The following TOP1MT variants were observed in gnomAD, a reference collection of about 807,000 sequenced individuals.
The protein encoded by TOP1MT is DNA topoisomerase I mitochondrial.
In TOP1MT, 80 loss-of-function variants were observed where a neutral mutation model predicts 73.9. The ratio of observed to expected loss-of-function variants is 1.08; its 90% CI spans 0.90 to 1.30. The LOEUF (loss-of-function observed/expected upper bound fraction) is 1.30. TOP1MT is among the 50% of genes most tolerant of loss of function. The probability of loss-of-function intolerance (pLI) is 0.00; values close to 1 mark genes in which losing one functional copy is unlikely to be tolerated. For missense variants in TOP1MT, 815 were observed against 808.0 expected, an observed-to-expected ratio of 1.01 and a Z score of -0.10; for synonymous variants, 338 against 326.4, an observed-to-expected ratio of 1.04 and a Z score of -0.38.
At chr8:143,342,075 G>GTTA (rs540333405) in intron 2 of TOP1MT, among the ~76,000 whole-genome samples, 21 of 120,676 alleles carry the variant, frequency 1.7e-4, no homozygotes, top group African/African-American at 4.4e-4. Context: ...GTCTCGCTCT[G>GTTA]TTATTATTAT....
At chr8:143,323,872 C>T in intron 7 of TOP1MT, 127 bp downstream of exon 7, 4 of 976,754 alleles carry the variant, frequency 4.1e-6, no homozygotes, top group Admixed American at 2.3e-5. Flanking sequence ...CATGCACACA[C>T]CCCCCCCATC....
intron 8 of TOP1MT, among the ~76,000 whole-genome samples, chr8:143,319,552 G>A (rs139606373): frequency 3.9e-5 from 6 of 152,110 alleles, no homozygotes; most frequent in East Asian, 1.9e-4. Context: ...AGGGGACACC[G>A]TGACTCTTCA....
intron 6 of TOP1MT, 118 bp from the exon 7 acceptor site, chr8:143,324,260 G>C (rs952943607): frequency 2.3e-5 from 33 of 1,449,512 alleles, no homozygotes; most frequent in African/African-American, 4.2e-5. Flanking sequence ...GCCGTGGTCA[G>C]GGGCTGGGGC....
At chr8:143,329,701 G>C (rs1187113161) in intron 2 of TOP1MT, among the ~76,000 whole-genome samples, 1 of 152,192 alleles carries the variant, frequency 6.6e-6, no homozygotes, top group South Asian at 2.1e-4. Flanking sequence ...AGCTGCAGAA[G>C]ATTTCAGGCG....
chr8:143,322,029 C>G (rs1218194993), intron 7 of TOP1MT, among the ~76,000 whole-genome samples: 1 of 107,640 alleles, frequency 9.3e-6, no homozygotes, highest in South Asian at 4.1e-4. Context: ...CCCACAGGCA[C>G]GCCATACAGA....
intron 13 of TOP1MT, 82 bp from the exon 14 acceptor site, chr8:143,309,625 C>T: frequency 3.1e-6 from 5 of 1,591,582 alleles, no homozygotes; most frequent in Middle Eastern, 3.5e-4. Flanking sequence ...CAAGGGCGAG[C>T]GTCCTCCATG....
chr8:143,332,002 T>A (rs1816868926), intron 1 of TOP1MT, among the ~76,000 whole-genome samples: 1 of 147,756 alleles, frequency 6.8e-6, no homozygotes, highest in Admixed American at 6.8e-5. Context: ...CAGGGCTCCC[T>A]GCCAAGGTCC....
upstream of TOP1MT, among the ~76,000 whole-genome samples, chr8:143,345,404 C>T (rs1029948672): frequency 5.1e-4 from 77 of 152,318 alleles, no homozygotes; most frequent in African/African-American, 1.7e-3. Flanking sequence ...AATGCCAGCC[C>T]GAGGCGTCTG....
At chr8:143,342,039 C>T (rs1199568465) in intron 2 of TOP1MT, among the ~76,000 whole-genome samples, 1 of 138,494 alleles carries the variant, frequency 7.2e-6, no homozygotes, top group Non-Finnish European at 1.5e-5. Context: ...CAGAGTCTCG[C>T]TGTTATTATT....
intron 10 of TOP1MT, 79 bp from the exon 11 acceptor site, chr8:143,316,205 G>T: frequency 6.3e-7 from 1 of 1,598,540 alleles, no homozygotes. Flanking sequence ...GCCTTAACGC[G>T]CCACACAGCG....
chr8:143,337,091 A>G (rs1332890705), upstream of TOP1MT, among the ~76,000 whole-genome samples: 1 of 152,232 alleles, frequency 6.6e-6, no homozygotes, highest in East Asian at 1.9e-4. Context: ...TAAATAAATG[A>G]GCAGCCATCC....
chr8:143,345,283 A>C (rs1185755981), upstream of TOP1MT, among the ~76,000 whole-genome samples: 2 of 152,228 alleles, frequency 1.3e-5, no homozygotes, highest in African/African-American at 4.8e-5. Flanking sequence ...GCCCACTGGC[A>C]GCCGAGGTCA....
chr8:143,329,068 T>A (rs1478001816), intron 3 of TOP1MT, among the ~76,000 whole-genome samples: 2 of 151,932 alleles, frequency 1.3e-5, no homozygotes, highest in Admixed American at 6.6e-5. Context: ...GGACCACAAA[T>A]CGGCCTCCAC....
At chr8:143,315,499 C>T (rs926987217) in intron 12 of TOP1MT, among the ~76,000 whole-genome samples, 3 of 152,108 alleles carry the variant, frequency 2.0e-5, no homozygotes, top group Non-Finnish European at 4.4e-5. Flanking sequence ...TAAATAACAG[C>T]GCAGCCAGAC....
chr8:143,352,600 T>C (rs1359463829), intron 1 of TOP1MT, among the ~76,000 whole-genome samples: 1 of 152,202 alleles, frequency 6.6e-6, no homozygotes, highest in East Asian at 1.9e-4. Flanking sequence ...TATAAATCTT[T>C]ATGACCCTGA....
intron 6 of TOP1MT, 115 bp downstream of exon 6, chr8:143,324,370 C>T (rs1387047231): frequency 2.0e-6 from 3 of 1,499,298 alleles, no homozygotes; most frequent in Non-Finnish European, 9.1e-7. Flanking sequence ...CACGGGCTGG[C>T]CGACTCCCAG....
At chr8:143,357,561 G>A (rs942699276), upstream of TOP1MT, among the ~76,000 whole-genome samples, 8 of 152,026 alleles carry the variant, frequency 5.3e-5, no homozygotes, top group Non-Finnish European at 1.0e-4. Flanking sequence ...GGCAGGGACT[G>A]CTTGGGGCAA....
At chr8:143,316,696 G>A (rs866234319) in intron 10 of TOP1MT, among the ~76,000 whole-genome samples, 13 of 152,096 alleles carry the variant, frequency 8.5e-5, no homozygotes, top group South Asian at 4.1e-4. Flanking sequence ...AAGGTACCAC[G>A]TTGTCTCCAT....
At chr8:143,324,371 C>T (rs1320048506) in intron 6 of TOP1MT, 114 bp downstream of exon 6, 5 of 1,502,126 alleles carry the variant, frequency 3.3e-6, no homozygotes, top group East Asian at 2.3e-5. Flanking sequence ...ACGGGCTGGC[C>T]GACTCCCAGC....
Sources: gnomAD v4.1 joint callset for allele counts (sites outside exome capture counted in the v4.1 genomes callset) on GRCh38, gnomAD v4.1.1 for gene constraint, MANE v1.5 for transcripts, NCBI Gene and HGNC (gene_info 2026-07-23, HGNC 2026-07-21) for gene names.